CAST: variants seen among roughly 807,000 people sequenced by gnomAD.
The protein encoded by CAST is MIR583 host.
A neutral mutation model predicts 119.6 loss-of-function variants in CAST; 76 were observed. That is an observed-to-expected ratio of 0.64 (90% CI 0.53 to 0.77). The LOEUF is 0.77. Ranked by LOEUF, CAST falls within the 30% of genes least tolerant of loss-of-function variation. The pLI, the probability that CAST is intolerant of heterozygous loss-of-function variation, is 0.00. For synonymous variants in CAST, 319 were observed against 331.6 expected, an observed-to-expected ratio of 0.96 and a Z score of 0.41; for missense variants, 953 against 946.5, an observed-to-expected ratio of 1.01 and a Z score of -0.09.
the CAST span, among the ~76,000 whole-genome samples, chr5:96,516,658 G>A: frequency 6.6e-6 from 1 of 152,174 alleles, no homozygotes; most frequent in African/African-American, 2.4e-5. Context: ...AATTGTCCTT[G>A]TTTGATGAAA....
At chr5:96,053,518 T>A in the CAST span, among the ~76,000 whole-genome samples, 1 of 152,210 alleles carries the variant, frequency 6.6e-6, no homozygotes, top group African/African-American at 2.4e-5. Flanking sequence ...ATAGAAAGAC[T>A]GCATTACTAA....
chr5:96,723,281 T>C (rs1269894623), intron 4 of CAST, among the ~76,000 whole-genome samples: 1 of 152,090 alleles, frequency 6.6e-6, no homozygotes, highest in Non-Finnish European at 1.5e-5. Flanking sequence ...TTGTTTTTGT[T>C]TTTGATCCTA....
the CAST span, among the ~76,000 whole-genome samples, chr5:96,514,976 T>G: frequency 6.6e-6 from 1 of 152,144 alleles, no homozygotes; most frequent in East Asian, 1.9e-4. Flanking sequence ...GTCTCAAACT[T>G]CTGGTCTCAG....
chr5:96,729,128 A>G, intron 6 of CAST, 25 bp from the exon 7 acceptor site: 1 of 1,446,942 alleles, frequency 6.9e-7, no homozygotes, highest in East Asian at 2.3e-5. Context: ...CAGTGTAATC[A>G]AGTTTAATCT....
the CAST span, chr5:96,394,989 A>G: frequency 6.2e-7 from 1 of 1,614,048 alleles, no homozygotes. Flanking sequence ...ATCAGCTTCC[A>G]GTTCACAATT....
chr5:96,136,570 A>G, the CAST span, among the ~76,000 whole-genome samples: 2 of 152,196 alleles, frequency 1.3e-5, no homozygotes, highest in Non-Finnish European at 2.9e-5. Flanking sequence ...CCTCAAGGCC[A>G]CCTCAGCTGA....
the CAST span, chr5:95,961,746 C>T: frequency 6.3e-7 from 1 of 1,578,674 alleles, no homozygotes; most frequent in Non-Finnish European, 8.6e-7. Flanking sequence ...GGTGCCGCCG[C>T]CGCCGCCGCT....
At chr5:96,262,759 T>C in the CAST span, among the ~76,000 whole-genome samples, 1 of 152,064 alleles carries the variant, frequency 6.6e-6, no homozygotes, top group Non-Finnish European at 1.5e-5. Flanking sequence ...ACGGTCTCGA[T>C]CTCCTGACCT....
chr5:96,387,609 C>G, the CAST span, among the ~76,000 whole-genome samples: 2 of 152,130 alleles, frequency 1.3e-5, no homozygotes, highest in African/African-American at 4.8e-5. Context: ...CCAAAACAGA[C>G]TGGCATTAGG....
chr5:96,176,478 G>T, the CAST span, among the ~76,000 whole-genome samples: 2 of 152,278 alleles, frequency 1.3e-5, no homozygotes, highest in African/African-American at 4.8e-5. Flanking sequence ...CTACATTCTA[G>T]GGGGCAAGGT....
chr5:96,468,698 G>A, the CAST span, among the ~76,000 whole-genome samples: 1 of 152,180 alleles, frequency 6.6e-6, no homozygotes, highest in South Asian at 2.1e-4. Context: ...TAGTTTTTGA[G>A]GCAGATCATA....
intron 1 of CAST, among the ~76,000 whole-genome samples, chr5:96,621,505 C>T (rs1406422241): frequency 1.3e-5 from 2 of 152,158 alleles, no homozygotes; most frequent in Admixed American, 6.5e-5. Flanking sequence ...AGGCATGTCT[C>T]ATATCGCAGC....
chr5:96,073,608 C>T, the CAST span, among the ~76,000 whole-genome samples: 1 of 152,152 alleles, frequency 6.6e-6, no homozygotes, highest in Non-Finnish European at 1.5e-5. Flanking sequence ...AAACTTCCAT[C>T]TCAGGTCATC....
the CAST span, among the ~76,000 whole-genome samples, chr5:96,217,584 T>G: frequency 2.0e-5 from 3 of 152,112 alleles, no homozygotes; most frequent in Non-Finnish European, 4.4e-5. Flanking sequence ...ATGAAAATAG[T>G]TTACTTCTGG....
At chr5:96,528,384 T>A (rs181590804), upstream of CAST, among the ~76,000 whole-genome samples, 139 of 152,276 alleles carry the variant, frequency 9.1e-4, 1 homozygote, top group Admixed American at 2.3e-3. Context: ...CATAGTCACC[T>A]CTCCAGGCAA....
the CAST span, among the ~76,000 whole-genome samples, chr5:96,027,519 G>A: frequency 6.6e-6 from 1 of 151,844 alleles, no homozygotes; most frequent in Admixed American, 6.6e-5. Context: ...AAGAATCAAA[G>A]ATTGGAAAAA....
At chr5:95,977,856 T>C in the CAST span, among the ~76,000 whole-genome samples, 2 of 152,178 alleles carry the variant, frequency 1.3e-5, no homozygotes, top group Non-Finnish European at 2.9e-5. Flanking sequence ...TATGTGTCCA[T>C]GTGTTCTCAT....
At chr5:96,005,849 C>A in the CAST span, among the ~76,000 whole-genome samples, 6 of 151,952 alleles carry the variant, frequency 3.9e-5, no homozygotes, top group Non-Finnish European at 8.8e-5. Context: ...CAACGTAATG[C>A]ATACTCTAGA....
At chr5:96,468,261 A>C in the CAST span, among the ~76,000 whole-genome samples, 1 of 151,966 alleles carries the variant, frequency 6.6e-6, no homozygotes, top group Non-Finnish European at 1.5e-5. Context: ...AGAATAAAAA[A>C]ATGGCACATG....
Sources: allele counts gnomAD v4.1 joint callset (sites outside exome capture counted in the v4.1 genomes callset), GRCh38; gene constraint gnomAD v4.1.1; transcripts MANE v1.5; gene names NCBI Gene and HGNC (gene_info 2026-07-23, HGNC 2026-07-21).